Variants in GDAP1 observed in about 807,000 individuals in gnomAD.
GDAP1 encodes the protein ganglioside induced differentiation associated protein 1, also known as ganglioside-induced differentiation-associated protein 1.
Under a neutral mutation model 40.1 loss-of-function variants are expected in GDAP1, and 34 were observed. That is an observed-to-expected ratio of 0.85 (90% confidence interval 0.64 to 1.13). The LOEUF is 1.13. GDAP1 is among the 50% of genes most tolerant of loss of function. The pLI, the probability that GDAP1 is intolerant of heterozygous loss-of-function variation, is 0.00. For synonymous variants in GDAP1, 170 were observed against 157.4 expected, an observed-to-expected ratio of 1.08 and a Z score of -0.60; for missense variants, 374 against 433.7, an observed-to-expected ratio of 0.86 and a Z score of 1.22.
intron 2 of GDAP1, among the ~76,000 whole-genome samples, chr8:74,466,074 C>T (rs773681662): frequency 4.6e-5 from 7 of 152,268 alleles, no homozygotes; most frequent in Admixed American, 1.3e-4. Flanking sequence ...TTTTCTGTTC[C>T]ACATTGTTTC....
intron 2 of GDAP1, among the ~76,000 whole-genome samples, chr8:74,427,319 G>A (rs1383351055): frequency 6.6e-6 from 1 of 152,102 alleles, no homozygotes; most frequent in Non-Finnish European, 1.5e-5. Context: ...GCTCAGCTGA[G>A]CTCAACCCGG....
rs1382875152 is a variant in GDAP1 at position 74,350,428 on chromosome 8, C to G, written c.-34C>G. The stretch of plus-strand genomic sequence containing the variant: ...GTGGGAGGGAGAAGTCCAGGGCGGA[C>G]AGGCTGGGCGCACCCGTGCTCGCGC... On this transcript the variant is annotated 5_prime_UTR_variant, in exon 1 of 6. Coordinates refer to ENST00000220822, the MANE Select transcript of GDAP1 (RefSeq NM_018972.4). 5.2e-6 allele frequency: 7 copies of G among 1,334,540 alleles called. No homozygotes were observed. The highest frequency in any genetic ancestry group is 1.4e-5 in the African/African-American group (1 of 69,752). The allele number at this position is 1,334,540 out of a possible 1,614,324, so 82.7% of individuals were successfully genotyped here.
In GDAP1 at chr8:74,363,886, A is replaced by G. The variant is rs73345396; in HGVS notation, c.695-99A>G. On this transcript the variant is annotated intron_variant, in intron 5 of 5. Coordinates refer to ENST00000220822, the MANE Select transcript of GDAP1 (RefSeq NM_018972.4). ...TATATAATGTCCTTCATCTTTTGCT[A>G]TACTCACACTCACCCTTAAGGGTGA... 1.7e-3 allele frequency: 1,596 copies of G among 919,254 alleles called. 15 individuals carry two copies. The African/African-American group carries it at 0.018, about 10-fold the overall frequency. 56.9% of individuals were successfully genotyped at this position (919,254 alleles called of 1,614,324 possible). A position where few individuals can be genotyped will look rare whatever the true frequency, so the allele number is the denominator to read the frequency against.
At chr8:74,383,589 A>T (rs942038401) in intron 2 of GDAP1, among the ~76,000 whole-genome samples, 5 of 152,150 alleles carry the variant, frequency 3.3e-5, no homozygotes, top group Non-Finnish European at 7.4e-5. Context: ...CCAACACTAT[A>T]TATAAGCCTT....
intron 2 of GDAP1, among the ~76,000 whole-genome samples, chr8:74,385,017 C>T (rs916444770): frequency 3.3e-5 from 5 of 152,070 alleles, no homozygotes; most frequent in African/African-American, 1.2e-4. Context: ...TAGCTAAACA[C>T]TAATCTATTA....
At chr8:74,361,746 C>G (rs1809375165) in intron 3 of GDAP1, 138 bp from the exon 4 acceptor site, 2 of 676,600 alleles carry the variant, frequency 3.0e-6, no homozygotes, top group Non-Finnish European at 5.3e-6. Flanking sequence ...GAGGCATAGA[C>G]AGGGTAAGCC....
intron 2 of GDAP1, among the ~76,000 whole-genome samples, chr8:74,456,925 C>G (rs1806342953): frequency 6.6e-6 from 1 of 151,938 alleles, no homozygotes; most frequent in Non-Finnish European, 1.5e-5. Context: ...TGGCTTTTTT[C>G]CATTTGAAAA....
chr8:74,431,626 C>T (rs995310090), intron 2 of GDAP1, among the ~76,000 whole-genome samples: 25 of 151,654 alleles, frequency 1.6e-4, no homozygotes, highest in Non-Finnish European at 3.2e-4. Flanking sequence ...GGACTACAGG[C>T]GCCCGCCACT....
At chr8:74,396,076 A>T (rs1296727531) in intron 2 of GDAP1, among the ~76,000 whole-genome samples, 1 of 152,186 alleles carries the variant, frequency 6.6e-6, no homozygotes, top group African/African-American at 2.4e-5. Flanking sequence ...CTTACTGTGT[A>T]TCACAATCAA....
chr8:74,366,600 A>C lies in GDAP1; in HGVS notation c.*2233A>C, dbSNP rs554170898. The C allele has an allele frequency of 2.2e-6, 1 of 453,646 alleles. No individual in the cohort carries two copies. The highest frequency in any genetic ancestry group is 4.4e-6 in the Non-Finnish European group (1 of 226,634). The allele number at this position is 453,646 out of a possible 1,614,324, so 28.1% of individuals were successfully genotyped here. A position where few individuals can be genotyped will look rare whatever the true frequency, so the allele number is the denominator to read the frequency against. On this transcript the variant is annotated 3_prime_UTR_variant, in exon 6 of 6. Transcript: ENST00000220822. ...CTCATCAATTTCCAAAATTTGTATA[A>C]ATATCACAATTAGAAAAATGCCTGA...
intron 2 of GDAP1, among the ~76,000 whole-genome samples, chr8:74,479,708 G>T (rs993116609): frequency 7.9e-5 from 12 of 152,120 alleles, no homozygotes; most frequent in African/African-American, 2.9e-4. Context: ...CCAGCTGGTA[G>T]GTTGAGTTGG....
At chr8:74,360,470 G>A (rs540199153) in intron 3 of GDAP1, among the ~76,000 whole-genome samples, 160 bp downstream of exon 3, 8 of 152,254 alleles carry the variant, frequency 5.3e-5, no homozygotes, top group East Asian at 3.9e-4. Flanking sequence ...TGAACCAGTC[G>A]GATTAATCTG....
At chr8:74,403,032 A>G (rs780659375) in intron 2 of GDAP1, among the ~76,000 whole-genome samples, 6 of 150,286 alleles carry the variant, frequency 4.0e-5, no homozygotes, top group Non-Finnish European at 8.8e-5. Flanking sequence ...AAATAGTTCT[A>G]TAATATAAAA....
chr8:74,365,198 T>C lies in GDAP1; in HGVS notation c.*831T>C, dbSNP rs1472588793. ...CTGGGTAGTGGGTATTTTGATGATC[T>C]GGGAGCACCAAATATGTTCATTCTT... On this transcript the variant is annotated 3_prime_UTR_variant, in exon 6 of 6. Coordinates refer to ENST00000220822, the MANE Select transcript of GDAP1 (RefSeq NM_018972.4). 4.4e-6 allele frequency: 2 copies of C among 454,008 alleles called. No individual in the cohort carries two copies. The highest frequency in any genetic ancestry group is 1.4e-4 in the East Asian group (2 of 14,410). 28.1% of individuals were successfully genotyped at this position (454,008 alleles called of 1,614,324 possible).
intron 2 of GDAP1, among the ~76,000 whole-genome samples, chr8:74,394,202 T>C (rs1043574445): frequency 2.6e-5 from 4 of 152,186 alleles, no homozygotes; most frequent in African/African-American, 4.8e-5. Context: ...GAAACTCCCC[T>C]TTTTAAAACC....
intron 2 of GDAP1, among the ~76,000 whole-genome samples, chr8:74,357,458 G>A (rs181795698): frequency 1.3e-5 from 2 of 152,136 alleles, no homozygotes; most frequent in Non-Finnish European, 2.9e-5. Context: ...AGGCCCATTT[G>A]TCTCCATTAC....
intron 2 of GDAP1, among the ~76,000 whole-genome samples, chr8:74,377,866 G>A (rs1449433611): frequency 6.6e-6 from 1 of 151,986 alleles, no homozygotes; most frequent in Non-Finnish European, 1.5e-5. Context: ...GCCAATAATT[G>A]GAAACTATCC....
chr8:74,385,095 T>A (rs1266632878), intron 2 of GDAP1, among the ~76,000 whole-genome samples: 1 of 152,190 alleles, frequency 6.6e-6, no homozygotes, highest in Non-Finnish European at 1.5e-5. Context: ...AAGATCATGG[T>A]ACATCTTCTG....
At chr8:74,434,892 A>G (rs749063333) in intron 2 of GDAP1, among the ~76,000 whole-genome samples, 2 of 152,196 alleles carry the variant, frequency 1.3e-5, no homozygotes, top group African/African-American at 4.8e-5. Context: ...CCAAATTCTT[A>G]TCTTCTCTAT....
Sources: allele counts gnomAD v4.1 joint callset (sites outside exome capture counted in the v4.1 genomes callset), GRCh38; gene constraint gnomAD v4.1.1; transcripts MANE v1.5; gene names NCBI Gene and HGNC (gene_info 2026-07-23, HGNC 2026-07-21).